Variants in DSE observed in about 807,000 individuals in gnomAD.
DSE encodes dermatan sulfate epimerase, also known as dermatan-sulfate epimerase.
In DSE, 36 loss-of-function variants were observed where a neutral mutation model predicts 84.4. The ratio of observed to expected loss-of-function variants is 0.43; its 90% CI spans 0.33 to 0.56. The LOEUF (loss-of-function observed/expected upper bound fraction) is 0.56, where lower values mean the gene tolerates loss of function less well. DSE is among the 20% of genes least tolerant of loss of function. The pLI, the probability that DSE is intolerant of heterozygous loss-of-function variation, is 0.06. For missense variants in DSE, 862 were observed against 1,169.6 expected (o/e 0.74, Z 3.84); for synonymous variants, 410 against 430.1 (o/e 0.95, Z 0.58).
intron 2 of DSE, among the ~76,000 whole-genome samples, chr6:116,302,019 T>G (rs753987741): frequency 9.2e-5 from 14 of 152,246 alleles, no homozygotes; most frequent in Non-Finnish European, 1.9e-4. Context: ...CCACATTTTC[T>G]TAATCCAGTC....
Position 116,426,634 on chromosome 6 carries a change from C to T in DSE, c.477C>T (p.Ala159=). The change falls in exon 3 of 6, where the codon GCC becomes GCT. Residue 159 remains alanine (A), a synonymous_variant. Transcript: ENST00000644252. ...TTGCTCACTCCCTGGTTGGTTTTGCCACTGCTTATGACTTCTTGTACAACT... is the reference window on the plus strand; with the variant it reads ...TTGCTCACTCCCTGGTTGGTTTTGCTACTGCTTATGACTTCTTGTACAACT... ...VPLAHSLVGF[A]TAYDFLYNYL... 6.2e-7 allele frequency: 1 copy of T among 1,613,978 alleles called. No individual in the cohort carries two copies. Among genetic ancestry groups the T allele is most frequent in the South Asian group, 1.1e-5 (1 of 91,062 alleles).
chr6:116,318,903 T>C (rs1562226876), intron 2 of DSE, among the ~76,000 whole-genome samples: 1 of 152,168 alleles, frequency 6.6e-6, no homozygotes, highest in Non-Finnish European at 1.5e-5. Context: ...TAAATATGTA[T>C]TAACATGTTT....
chr6:116,328,968 G>T (rs1359632133), intron 2 of DSE, among the ~76,000 whole-genome samples: 1 of 152,096 alleles, frequency 6.6e-6, no homozygotes, highest in African/African-American at 2.4e-5. Context: ...TGCTTACTAC[G>T]CCTGGCAGTT....
At chr6:116,264,392 A>T (rs1772534144) in intron 2 of DSE, among the ~76,000 whole-genome samples, 1 of 151,948 alleles carries the variant, frequency 6.6e-6, no homozygotes, top group Non-Finnish European at 1.5e-5. Context: ...CCATGATTGC[A>T]TTATGAAATT....
chr6:116,424,060 T>C (rs927326833), intron 2 of DSE, among the ~76,000 whole-genome samples: 2 of 152,234 alleles, frequency 1.3e-5, no homozygotes, highest in East Asian at 3.8e-4. Flanking sequence ...TGTGAGGGTT[T>C]ACTGGCTGGT....
intron 2 of DSE, among the ~76,000 whole-genome samples, chr6:116,330,126 A>G (rs949891796): frequency 4.6e-5 from 7 of 152,210 alleles, no homozygotes; most frequent in African/African-American, 9.6e-5. Context: ...CGCCTGGCCC[A>G]TACTAATGTA....
At chr6:116,423,768 G>A (rs896104125) in intron 2 of DSE, among the ~76,000 whole-genome samples, 1 of 152,096 alleles carries the variant, frequency 6.6e-6, no homozygotes, top group African/African-American at 2.4e-5. Context: ...TGTATCTAAG[G>A]CTGGGTAAGA....
intron 2 of DSE, among the ~76,000 whole-genome samples, chr6:116,267,895 A>C (rs2114609567): frequency 6.6e-6 from 1 of 152,084 alleles, no homozygotes; most frequent in Non-Finnish European, 1.5e-5. Flanking sequence ...ATACTTTTAA[A>C]CCCCCAGATC....
chr6:116,373,231 C>T (rs1284931056), intron 1 of DSE, among the ~76,000 whole-genome samples: 4 of 152,110 alleles, frequency 2.6e-5, no homozygotes, highest in Admixed American at 2.0e-4. Context: ...GGCGTGGTGT[C>T]GCGCGCCTGT....
At chr6:116,363,852 A>G (rs1360282156) in intron 2 of DSE, among the ~76,000 whole-genome samples, 4 of 152,246 alleles carry the variant, frequency 2.6e-5, no homozygotes, top group African/African-American at 7.2e-5. Flanking sequence ...AATGGAGCAA[A>G]TGAATCTACA....
chr6:116,335,974 G>A (rs1777228339), intron 2 of DSE, among the ~76,000 whole-genome samples: 1 of 152,146 alleles, frequency 6.6e-6, no homozygotes, highest in African/African-American at 2.4e-5. Flanking sequence ...CTGGTCTGTG[G>A]GAGTCTGGTG....
intron 1 of DSE, among the ~76,000 whole-genome samples, chr6:116,388,160 T>C (rs1187825046): frequency 3.3e-5 from 5 of 151,964 alleles, no homozygotes; most frequent in South Asian, 2.1e-4. Flanking sequence ...GGCTGAGAGG[T>C]CCCACAATCT....
intron 2 of DSE, among the ~76,000 whole-genome samples, chr6:116,342,280 T>TG (rs1297269174): frequency 3.7e-5 from 3 of 80,072 alleles, no homozygotes; most frequent in East Asian, 7.7e-4. Context: ...TTATTGTTGC[T>TG]GTTTTTTTTT....
chr6:116,444,225 A>G lies in DSE; in HGVS notation c.*6880A>G, dbSNP rs1433980596. ...GAAAGATTAATTCACAGAATTTTTT[A>G]TCACAGTTGAAATATCAATTGCAAT... is the stretch of plus-strand genomic sequence containing the variant. On this transcript the variant is annotated 3_prime_UTR_variant, in exon 6 of 6. Coordinates refer to ENST00000644252, the MANE Select transcript of DSE (RefSeq NM_013352.4). 6.6e-6 allele frequency: 1 copy of G among 152,232 alleles called. No homozygotes were observed. Among genetic ancestry groups the G allele is most frequent in the Non-Finnish European group, 1.5e-5 (1 of 68,038 alleles). 9.4% of individuals were successfully genotyped at this position (152,232 alleles called of 1,614,324 possible).
chr6:116,287,002 G>A (rs1001763429), intron 2 of DSE, among the ~76,000 whole-genome samples: 15 of 152,050 alleles, frequency 9.9e-5, no homozygotes, highest in African/African-American at 2.7e-4. Context: ...GTGTGTATCC[G>A]GTTATTGTTA....
chr6:116,296,984 G>C (rs371012717), intron 2 of DSE, among the ~76,000 whole-genome samples: 6 of 152,292 alleles, frequency 3.9e-5, no homozygotes, highest in Admixed American at 3.9e-4. Context: ...AGCTGCTGAA[G>C]TAGTTGCTGC....
intron 1 of DSE, among the ~76,000 whole-genome samples, chr6:116,383,386 G>A (rs1292592201): frequency 6.6e-6 from 1 of 152,104 alleles, no homozygotes; most frequent in Non-Finnish European, 1.5e-5. Context: ...GAAAGTTTGG[G>A]TGGAGAAGTA....
At chr6:116,259,070 C>A (rs956580053) in intron 2 of DSE, 1 of 1,547,026 alleles carries the variant, frequency 6.5e-7, no homozygotes, top group Non-Finnish European at 8.9e-7. Context: ...AGCTTGATGT[C>A]TGGGGTCTCT....
At chr6:116,286,475 GTATTTTCTCA>G (rs1198918317) in intron 2 of DSE, among the ~76,000 whole-genome samples, 2 of 151,978 alleles carry the variant, frequency 1.3e-5, no homozygotes, top group East Asian at 3.8e-4. Flanking sequence ...CCCAAATTCA[GTATTTTCTCA>G]ACTCTATCAG....
Sources: allele counts gnomAD v4.1 joint callset (sites outside exome capture counted in the v4.1 genomes callset), GRCh38; gene constraint gnomAD v4.1.1; transcripts MANE v1.5; gene names NCBI Gene and HGNC (gene_info 2026-07-23, HGNC 2026-07-21).